Variants in CELF4 observed in about 807,000 individuals in gnomAD.
The protein encoded by CELF4 is CUG-BP- and ETR-3-like factor 4.
CELF4 carries 18 observed loss-of-function variants against 59.9 expected under a neutral mutation model. The observed-to-expected ratio is 0.30, with a 90% CI of 0.21 to 0.45. The LOEUF is 0.45. CELF4 is among the 20% of genes least tolerant of loss of function. CELF4 has a pLI of 1.00. For missense variants in CELF4, 456 were observed against 689.0 expected, an observed-to-expected ratio of 0.66 and a Z score of 3.79; for synonymous variants, 261 against 267.1, an observed-to-expected ratio of 0.98 and a Z score of 0.22.
At chr18:37,272,932 C>T (rs2241944) in intron 7 of CELF4, 84 bp downstream of exon 7, 618,611 of 1,358,254 alleles carry the variant, frequency 0.46, 144,639 homozygotes, top group Non-Finnish European at 0.48. Context: ...CAGAATGGTC[C>T]GCTGGTAGCT....
chr18:37,549,415 C>G (rs1468351548), intron 1 of CELF4, among the ~76,000 whole-genome samples: 2 of 152,178 alleles, frequency 1.3e-5, no homozygotes, highest in Non-Finnish European at 2.9e-5. Context: ...GCCCTTTGGC[C>G]AGGGGCTGCC....
At chr18:37,311,179 T>A (rs1380347559) in intron 3 of CELF4, among the ~76,000 whole-genome samples, 3 of 152,136 alleles carry the variant, frequency 2.0e-5, no homozygotes, top group South Asian at 2.1e-4. Context: ...AAAATGCAGA[T>A]CAATCAACAC....
intron 2 of CELF4, among the ~76,000 whole-genome samples, chr18:37,453,597 G>A (rs1002271280): frequency 2.6e-5 from 4 of 152,190 alleles, no homozygotes; most frequent in African/African-American, 9.7e-5. Context: ...ATGGAGAGAG[G>A]TCATTTCAGG....
At chr18:37,351,378 T>C (rs532463659) in intron 2 of CELF4, among the ~76,000 whole-genome samples, 3 of 152,202 alleles carry the variant, frequency 2.0e-5, no homozygotes, top group Admixed American at 1.3e-4. Context: ...GCCTCTCCCC[T>C]CTCCTCCTGC....
At chr18:37,376,539 G>C (rs1358110882) in intron 2 of CELF4, among the ~76,000 whole-genome samples, 1 of 152,188 alleles carries the variant, frequency 6.6e-6, no homozygotes, top group East Asian at 1.9e-4. Flanking sequence ...GGCCTTCAAG[G>C]CTTCCGTGTC....
At chr18:37,505,752 T>A (rs2099937090) in intron 1 of CELF4, among the ~76,000 whole-genome samples, 1 of 152,186 alleles carries the variant, frequency 6.6e-6, no homozygotes, top group Non-Finnish European at 1.5e-5. Context: ...CTAGCCCCAC[T>A]GCCCAGACTC....
chr18:37,499,225 G>A (rs2099928697), intron 1 of CELF4, among the ~76,000 whole-genome samples: 1 of 152,108 alleles, frequency 6.6e-6, no homozygotes, highest in Admixed American at 6.5e-5. Context: ...TGTTTCCCTT[G>A]TGTGTGTGTG....
chr18:37,476,051 G>C (rs543870943), intron 2 of CELF4, among the ~76,000 whole-genome samples: 1 of 152,190 alleles, frequency 6.6e-6, no homozygotes, highest in Admixed American at 6.5e-5. Flanking sequence ...GGACTTTATT[G>C]TGGCAAAGGA....
At chr18:37,506,938 T>C (rs926283763) in intron 1 of CELF4, among the ~76,000 whole-genome samples, 1 of 152,166 alleles carries the variant, frequency 6.6e-6, no homozygotes, top group African/African-American at 2.4e-5. Flanking sequence ...CTCGTTTCCT[T>C]GGGCCAGATG....
chr18:37,410,034 G>A (rs765203614), intron 2 of CELF4, among the ~76,000 whole-genome samples: 27 of 152,172 alleles, frequency 1.8e-4, no homozygotes, highest in African/African-American at 2.7e-4. Flanking sequence ...TGATGGAGGC[G>A]GAGACGGCCT....
intron 1 of CELF4, among the ~76,000 whole-genome samples, chr18:37,498,679 G>A (rs924452688): frequency 8.5e-5 from 13 of 152,082 alleles, no homozygotes; most frequent in African/African-American, 3.1e-4. Flanking sequence ...TGAGGTTCCT[G>A]TCACCAGCCA....
intron 3 of CELF4, among the ~76,000 whole-genome samples, chr18:37,284,321 C>T (rs1602568363): frequency 6.6e-6 from 1 of 152,074 alleles, no homozygotes; most frequent in Non-Finnish European, 1.5e-5. Flanking sequence ...CACACACACA[C>T]ACCCCTTCCT....
chr18:37,517,122 G>T (rs1441672263), intron 1 of CELF4, among the ~76,000 whole-genome samples: 1 of 152,164 alleles, frequency 6.6e-6, no homozygotes, highest in Non-Finnish European at 1.5e-5. Flanking sequence ...CACTGAGAGA[G>T]CCAGGAATGC....
At chr18:37,300,892 G>C (rs2095987005) in intron 3 of CELF4, among the ~76,000 whole-genome samples, 1 of 152,236 alleles carries the variant, frequency 6.6e-6, no homozygotes, top group African/African-American at 2.4e-5. Flanking sequence ...AAGGCCCAGA[G>C]CAGGTAAGTT....
At chr18:37,376,748 G>T (rs750612713) in intron 2 of CELF4, among the ~76,000 whole-genome samples, 2 of 152,226 alleles carry the variant, frequency 1.3e-5, no homozygotes, top group Non-Finnish European at 2.9e-5. Context: ...ACCTTTCAGG[G>T]TGCAAGGGAG....
In CELF4 at chr18:37,312,113, A is replaced by G. The variant is rs2096683778; in HGVS notation, c.448+9690T>C. On this transcript the variant is annotated intron_variant, in intron 3 of 12. Coordinates refer to ENST00000420428, the MANE Select transcript of CELF4 (RefSeq NM_020180.4). The stretch of plus-strand genomic sequence containing the variant: ...GCTACAGAGCGAGATTCCGTCTCAA[A>G]AAAAAAAAAAAAAAAAAGAAAAAAA... Among the ~76,000 whole-genome samples the G allele has an allele frequency of 3.7e-5, 4 of 108,276 alleles. No individual in the cohort carries two copies. The South Asian group carries it at 1.4e-3, about 37-fold the overall frequency. The allele number at this position is 108,276 out of a possible 152,430, so 71.0% of individuals were successfully genotyped here.
At position 37,485,621 on chromosome 18, in the gene CELF4, C is replaced by T; in HGVS notation, c.287-14G>A. ...GGAAGGCGCAGCCTGGGGAGGAAAG[C>T]AAGCGCCAAGAAGGGTCAGTGGGGC... On this transcript the variant is annotated splice_polypyrimidine_tract_variant and intron_variant, in intron 1 of 12. Coordinates refer to ENST00000420428, the MANE Select transcript of CELF4 (RefSeq NM_020180.4). The T allele has an allele frequency of 7.0e-7, 1 of 1,425,614 alleles. No homozygotes were observed. The highest frequency in any genetic ancestry group is 9.3e-7 in the Non-Finnish European group (1 of 1,076,738). 88.3% of individuals were successfully genotyped at this position (1,425,614 alleles called of 1,614,324 possible).
chr18:37,284,807 A>G (rs909946169), intron 3 of CELF4, among the ~76,000 whole-genome samples: 10 of 152,200 alleles, frequency 6.6e-5, no homozygotes, highest in Non-Finnish European at 1.3e-4. Context: ...CAGGTATTTG[A>G]TTATTTCCAC....
chr18:37,263,531 C>T (rs2075967555), intron 10 of CELF4, among the ~76,000 whole-genome samples: 1 of 152,052 alleles, frequency 6.6e-6, no homozygotes, highest in Admixed American at 6.6e-5. Flanking sequence ...AGGATGGGAC[C>T]TTGTTAGTGT....
Sources: gnomAD v4.1 joint callset for allele counts (sites outside exome capture counted in the v4.1 genomes callset) on GRCh38, gnomAD v4.1.1 for gene constraint, MANE v1.5 for transcripts, NCBI Gene and HGNC (gene_info 2026-07-23, HGNC 2026-07-21) for gene names.